The following ANKRD17 variants were observed in gnomAD, a reference collection of about 807,000 sequenced individuals.
ANKRD17 encodes the protein ankyrin repeat domain-containing protein 17.
In ANKRD17, 19 loss-of-function variants were observed where a neutral mutation model predicts 229.7. That is an observed-to-expected ratio of 0.08 (90% CI 0.06 to 0.12). The LOEUF (loss-of-function observed/expected upper bound fraction) is 0.12, where lower values mean the gene tolerates loss of function less well. ANKRD17 is among the 10% of genes least tolerant of loss of function. ANKRD17 has a pLI of 1.00. For synonymous variants in ANKRD17, 1,112 were observed against 1,146.1 expected, an observed-to-expected ratio of 0.97 and a Z score of 0.60; for missense variants, 2,176 against 3,176.8, an observed-to-expected ratio of 0.68 and a Z score of 7.57.
intron 21 of ANKRD17, among the ~76,000 whole-genome samples, chr4:73,119,242 G>A (rs1726397070): frequency 6.6e-6 from 1 of 152,078 alleles, no homozygotes; most frequent in Non-Finnish European, 1.5e-5. Flanking sequence ...CTATCAACAT[G>A]TGAAAATATT....
At chr4:73,225,928 A>G (rs1189319332) in intron 1 of ANKRD17, among the ~76,000 whole-genome samples, 2 of 149,494 alleles carry the variant, frequency 1.3e-5, no homozygotes, top group Admixed American at 6.6e-5. Flanking sequence ...TTATTCACCA[A>G]TGCATACCTA....
At position 73,101,664 on chromosome 4, in the gene ANKRD17, C is replaced by CAGAA. The variant is rs71655739; in HGVS notation, c.4573+711_4573+712insTTCT. Among the ~76,000 whole-genome samples the CAGAA allele has an allele frequency of 2.7e-5, 3 of 111,484 alleles. 1 individual carries two copies. Among genetic ancestry groups the CAGAA allele is most frequent in the African/African-American group, 1.0e-4 (3 of 28,664 alleles). 73.1% of individuals were successfully genotyped at this position (111,484 alleles called of 152,430 possible). A position where few individuals can be genotyped will look rare whatever the true frequency, so the allele number is the denominator to read the frequency against. ...TGGGCAACAGACCAAGACTCGGTCT[C>CAGAA]AAAAAAAAAAAAAAAAAGGATTTAT... On this transcript the variant is annotated intron_variant, in intron 25 of 33. Coordinates refer to ENST00000358602, the MANE Select transcript of ANKRD17 (RefSeq NM_032217.5).
chr4:73,163,455 A>G (rs899884640), intron 2 of ANKRD17, among the ~76,000 whole-genome samples: 1 of 149,894 alleles, frequency 6.7e-6, no homozygotes, highest in African/African-American at 2.4e-5. Context: ...AAAGATCCCC[A>G]TATGATTCCA....
chr4:73,099,080 C>T, intron 25 of ANKRD17: 1 of 895,468 alleles, frequency 1.1e-6, no homozygotes, highest in Non-Finnish European at 1.9e-6. Flanking sequence ...AAGGGGCAGA[C>T]CCAAAAAACT....
In ANKRD17 at chr4:73,186,827, C is replaced by T. The variant is rs78204020; in HGVS notation, c.394-9294G>A. 5.2e-3 allele frequency among the ~76,000 whole-genome samples: 790 copies of T among 152,194 alleles called. 6 individuals are homozygous for T. The highest frequency in any genetic ancestry group is 0.018 in the African/African-American group (746 of 41,542). ...AGTTATATGGTTTGTCAAAAATTCT[C>T]CCAAAATTACTTATCAATAGTAGGA... On this transcript the variant is annotated intron_variant, in intron 1 of 33. Transcript: ENST00000358602.
chr4:73,257,006 A>G (rs1348943557), intron 1 of ANKRD17, among the ~76,000 whole-genome samples: 1 of 152,268 alleles, frequency 6.6e-6, no homozygotes, highest in Non-Finnish European at 1.5e-5. Context: ...AACAGAGACC[A>G]GGATTCAATA....
chr4:73,074,376 T>C lies in ANKRD17; in HGVS notation c.*1855A>G, dbSNP rs1015581748. On this transcript the variant is annotated 3_prime_UTR_variant, in exon 34 of 34. Coordinates refer to ENST00000358602, the MANE Select transcript of ANKRD17 (RefSeq NM_032217.5). ...GTATAGAATAGTGGCAAGTCATATA[T>C]AAAATACTTCGTTAAATAACATTAT... 2 of 152,016 alleles carry C rather than the reference T, an allele frequency of 1.3e-5. No individual in the cohort carries two copies. Among genetic ancestry groups the C allele is most frequent in the African/African-American group, 4.8e-5 (2 of 41,446 alleles). The allele number at this position is 152,016 out of a possible 1,614,324, so 9.4% of individuals were successfully genotyped here. A position where few individuals can be genotyped will look rare whatever the true frequency, so the allele number is the denominator to read the frequency against.
intron 1 of ANKRD17, chr4:73,223,105 G>T: frequency 2.0e-6 from 3 of 1,471,432 alleles, no homozygotes; most frequent in Non-Finnish European, 2.8e-6. Flanking sequence ...GTGTCAGCAA[G>T]GGAACAGGAA....
chr4:73,166,587 A>G (rs1271818767), intron 2 of ANKRD17, among the ~76,000 whole-genome samples: 1 of 152,208 alleles, frequency 6.6e-6, no homozygotes, highest in East Asian at 1.9e-4. Flanking sequence ...GACAGTGCCT[A>G]TGTGATACAT....
At chr4:73,180,971 T>G (rs1295177146) in intron 1 of ANKRD17, among the ~76,000 whole-genome samples, 1 of 152,140 alleles carries the variant, frequency 6.6e-6, no homozygotes, top group Non-Finnish European at 1.5e-5. Context: ...ACCCAGCAAT[T>G]AGAAATGTGT....
chr4:73,082,181 G>T (rs1338118977), intron 30 of ANKRD17, among the ~76,000 whole-genome samples: 2 of 148,082 alleles, frequency 1.4e-5, no homozygotes, highest in African/African-American at 5.0e-5. Flanking sequence ...AAAAAGGGGG[G>T]CCAAGCGTGG....
chr4:73,082,489 G>A (rs374050034), intron 30 of ANKRD17, among the ~76,000 whole-genome samples: 2 of 152,074 alleles, frequency 1.3e-5, no homozygotes, highest in East Asian at 1.9e-4. Flanking sequence ...GACAGAACTC[G>A]TGAGAAGAAA....
At chr4:73,194,618 C>T (rs1013900297) in intron 1 of ANKRD17, among the ~76,000 whole-genome samples, 13 of 151,794 alleles carry the variant, frequency 8.6e-5, no homozygotes, top group Non-Finnish European at 1.6e-4. Context: ...CTCTTGTTTT[C>T]GGGGGAATTT....
intron 1 of ANKRD17, among the ~76,000 whole-genome samples, chr4:73,245,620 C>T (rs1744429083): frequency 6.6e-6 from 1 of 152,288 alleles, no homozygotes; most frequent in Non-Finnish European, 1.5e-5. Flanking sequence ...ATCATGTAAG[C>T]CAAATTCCTT....
At position 73,151,515 on chromosome 4, in the gene ANKRD17, T is replaced by C; in HGVS notation, c.1244A>G (p.Glu415Gly). ...TGCTTCCAAAAGAAATCGCACCATC[T>C]CTAAGTGTCCTAAACCAAAAGTGTA... ...LTLACYKGHL[E>G]MVRFLLEAGA... The change falls in exon 7 of 34, where the codon GAG becomes GGG. Residue 415 changes from glutamate to glycine, a missense_variant. Coordinates refer to ENST00000358602, the MANE Select transcript of ANKRD17 (RefSeq NM_032217.5). 6.2e-7 allele frequency: 1 copy of C among 1,600,078 alleles called. No individual in the cohort carries two copies. Among genetic ancestry groups the C allele is most frequent in the Non-Finnish European group, 8.5e-7 (1 of 1,173,112 alleles).
intron 24 of ANKRD17, among the ~76,000 whole-genome samples, chr4:73,112,067 C>T (rs1196724887): frequency 6.6e-6 from 1 of 152,030 alleles, no homozygotes; most frequent in Non-Finnish European, 1.5e-5. Flanking sequence ...AGAGGATGGT[C>T]AGTATGGATA....
intron 1 of ANKRD17, among the ~76,000 whole-genome samples, chr4:73,226,602 C>G (rs913503981): frequency 6.6e-6 from 1 of 151,786 alleles, no homozygotes; most frequent in East Asian, 1.9e-4. Flanking sequence ...ACCATGTTGA[C>G]CAGGCTGGTC....
intron 30 of ANKRD17, among the ~76,000 whole-genome samples, chr4:73,082,387 C>G (rs987916384): frequency 3.3e-5 from 5 of 152,022 alleles, no homozygotes; most frequent in Non-Finnish European, 7.4e-5. Flanking sequence ...ACTTGGGAGG[C>G]TGAGGCAAGA....
At position 73,222,554 on chromosome 4, in the gene ANKRD17, G is replaced by A. The variant is rs185402407; in HGVS notation, c.393+35722C>T. 1.4e-3 allele frequency among the ~76,000 whole-genome samples: 217 copies of A among 152,178 alleles called. 2 individuals are homozygous for A. Among genetic ancestry groups the A allele is most frequent in the African/African-American group, 4.8e-3 (199 of 41,538 alleles). On this transcript the variant is annotated intron_variant, in intron 1 of 33. Transcript: ENST00000358602. ...TGCTTAGTTTAAAGCTAAAATAACCGTTTTTAATAGTTAACTGCAGCAAAG... is the reference window on the plus strand; with the variant it reads ...TGCTTAGTTTAAAGCTAAAATAACCATTTTTAATAGTTAACTGCAGCAAAG...
Sources: gnomAD v4.1 joint callset for allele counts (sites outside exome capture counted in the v4.1 genomes callset) on GRCh38, gnomAD v4.1.1 for gene constraint, MANE v1.5 for transcripts, NCBI Gene and HGNC (gene_info 2026-07-23, HGNC 2026-07-21) for gene names.